Variants in TIAM1 observed in about 807,000 individuals in gnomAD.
The protein encoded by TIAM1 is rho guanine nucleotide exchange factor TIAM1.
Under a neutral mutation model 163.5 loss-of-function variants are expected in TIAM1, and 65 were observed. The ratio of observed to expected loss-of-function variants is 0.40; its 90% CI spans 0.33 to 0.49. The LOEUF is 0.49. TIAM1 is among the 20% of genes least tolerant of loss of function. The pLI is 0.77. For missense variants in TIAM1, 1,789 were observed against 2,044.7 expected, an observed-to-expected ratio of 0.87 and a Z score of 2.41; for synonymous variants, 833 against 810.1, an observed-to-expected ratio of 1.03 and a Z score of -0.48.
intron 2 of TIAM1, among the ~76,000 whole-genome samples, chr21:31,420,920 G>C (rs146717174): frequency 6.6e-6 from 1 of 152,028 alleles, no homozygotes; most frequent in East Asian, 1.9e-4. Context: ...TCAGGAGTTC[G>C]AGACCAGCCT....
At position 31,161,075 on chromosome 21, in the gene TIAM1, GTGTT is replaced by G. The variant is rs1431917931; in HGVS notation, c.2991+3883_2991+3886del. 1.0e-3 allele frequency among the ~76,000 whole-genome samples: 141 copies of G among 140,984 alleles called. 3 individuals carry two copies. Among genetic ancestry groups the G allele is most frequent in the African/African-American group, 3.5e-3 (127 of 35,998 alleles). 92.5% of individuals were successfully genotyped at this position (140,984 alleles called of 152,430 possible). ...TGTGTGTGTGTGTGTGTGTGTGTGT[GTGTT>G]TAACAGTTGATAATTTCACATTTTT... On this transcript the variant is annotated intron_variant, in intron 16 of 27. Coordinates refer to ENST00000541036, the MANE Select transcript of TIAM1 (RefSeq NM_001353694.2).
In TIAM1 at chr21:31,119,000, C is replaced by T. The variant is rs1178007393; in HGVS notation, c.*1368G>A. On this transcript the variant is annotated 3_prime_UTR_variant, in exon 28 of 28. Coordinates refer to ENST00000541036, the MANE Select transcript of TIAM1 (RefSeq NM_001353694.2). ...TTAAAGTACCTACTGATGTGTCAAA[C>T]ACCAAATAGATATTTTCCCCAAAAA... 1.3e-5 allele frequency: 2 copies of T among 156,254 alleles called. No individual in the cohort carries two copies. Among genetic ancestry groups the T allele is most frequent in the African/African-American group, 4.8e-5 (2 of 41,258 alleles). The allele number at this position is 156,254 out of a possible 1,614,324, so 9.7% of individuals were successfully genotyped here.
At chr21:31,492,049 G>A (rs1378675282) in intron 1 of TIAM1, among the ~76,000 whole-genome samples, 1 of 151,658 alleles carries the variant, frequency 6.6e-6, no homozygotes, top group African/African-American at 2.4e-5. Context: ...ATATATGTGT[G>A]TATATATATA....
Position 31,152,539 on chromosome 21 carries a change from C to T in TIAM1, c.3366+97G>A. ...TCTCAGACACCCTTAGGAACAGACC[C>T]CACTGTGGCCCTCCAATGAAGACAT... On this transcript the variant is annotated intron_variant, in intron 19 of 27. Coordinates refer to ENST00000541036, the MANE Select transcript of TIAM1 (RefSeq NM_001353694.2). 3.3e-6 allele frequency: 5 copies of T among 1,527,558 alleles called. No individual in the cohort carries two copies. The East Asian group carries it at 6.8e-5, about 21-fold the overall frequency. 94.6% of individuals were successfully genotyped at this position (1,527,558 alleles called of 1,614,324 possible). A position where few individuals can be genotyped will look rare whatever the true frequency, so the allele number is the denominator to read the frequency against.
chr21:31,226,693 T>G (rs904190299), intron 6 of TIAM1, among the ~76,000 whole-genome samples: 5 of 152,132 alleles, frequency 3.3e-5, no homozygotes, highest in Non-Finnish European at 7.4e-5. Context: ...TATTAATGAT[T>G]CTTTAGGAAT....
At chr21:31,307,966 C>T (rs1601906495) in intron 2 of TIAM1, among the ~76,000 whole-genome samples, 1 of 152,200 alleles carries the variant, frequency 6.6e-6, no homozygotes, top group African/African-American at 2.4e-5. Context: ...GGTGCGGCAG[C>T]TCACACCTGT....
chr21:31,181,759 T>C (rs200662982), intron 15 of TIAM1, among the ~76,000 whole-genome samples: 2,584 of 13,480 alleles, frequency 0.19, 41 homozygotes, highest in East Asian at 0.32. Flanking sequence ...TCTTCTTCTT[T>C]TTTTTTTTTT....
intron 6 of TIAM1, 39 bp from the exon 7 acceptor site, chr21:31,225,989 C>T: frequency 6.3e-7 from 1 of 1,576,310 alleles, no homozygotes; most frequent in South Asian, 1.1e-5. Context: ...AAAGGCACCT[C>T]TTAGGAACTT....
Position 31,396,301 on chromosome 21 carries a change from T to C in TIAM1, c.-368-56879A>G, listed in dbSNP as rs80164498. ...GCCCCATTCCTGCCTTTCCCACGCA[T>C]GCCTCCTGCCAATCTTCAATACATT... On this transcript the variant is annotated intron_variant, in intron 2 of 28. Coordinates refer to the TIAM1 transcript ENST00000286827. Among the ~76,000 whole-genome samples, 19 of 152,288 alleles carry C rather than the reference T, an allele frequency of 1.2e-4. No individual in the cohort carries two copies. In the East Asian group the frequency reaches 2.9e-3, roughly 23 times the overall value.
intron 13 of TIAM1, among the ~76,000 whole-genome samples, chr21:31,194,954 CTT>C (rs1395273185): frequency 6.6e-6 from 1 of 152,184 alleles, no homozygotes; most frequent in African/African-American, 2.4e-5. Context: ...GTAATTTTAT[CTT>C]TTGACATATA....
intron 16 of TIAM1, among the ~76,000 whole-genome samples, chr21:31,161,485 C>T (rs1016916503): frequency 2.6e-5 from 4 of 152,148 alleles, no homozygotes; most frequent in Non-Finnish European, 2.9e-5. Context: ...CATTCCAGTA[C>T]CACCACGCTC....
intron 16 of TIAM1, among the ~76,000 whole-genome samples, chr21:31,159,553 T>C (rs1305998639): frequency 1.3e-5 from 2 of 152,234 alleles, no homozygotes; most frequent in Non-Finnish European, 2.9e-5. Flanking sequence ...ACTTAAGCTT[T>C]TTTTGGGGAC....
At chr21:31,471,549 C>G (rs2045741871) in intron 1 of TIAM1, among the ~76,000 whole-genome samples, 2 of 152,072 alleles carry the variant, frequency 1.3e-5, no homozygotes, top group African/African-American at 4.8e-5. Context: ...GAATCAACTT[C>G]CCAGTTCCAC....
chr21:31,225,769 G>T lies in TIAM1; in HGVS notation c.1766C>A (p.Ser589Tyr). 1 of 1,613,610 alleles carries T rather than the reference G, an allele frequency of 6.2e-7. No individual in the cohort carries two copies. The change falls in exon 7 of 28, where the codon TCT (serine) becomes TAT (tyrosine). Residue 589 changes from serine (S) to tyrosine (Y), a missense_variant. Physicochemically the swap from Ser to Tyr is moderately radical, Grantham distance 144. Around this residue, in one of 5 missense-constraint regions of TIAM1, gnomAD observed 456 missense variants for 586.6 expected, o/e 0.78. Coordinates refer to ENST00000541036, the MANE Select transcript of TIAM1 (RefSeq NM_001353694.2). Reference protein sequence around the residue: ...KMKKMGEMQLSSVTDSKKKKT... With the variant: ...KMKKMGEMQLYSVTDSKKKKT... Reference sequence around the variant, plus strand: ...CTTTTTCTTTGAGTCAGTGACTGAAGACAGCTGCATTTCACCCATTTTCTT... The same window carrying T: ...CTTTTTCTTTGAGTCAGTGACTGAATACAGCTGCATTTCACCCATTTTCTT...
rs774239958 is a variant in TIAM1 at position 31,223,480 on chromosome 21, C to A, written c.1921G>T (p.Ala641Ser). ...ACTTTCGTTGGTCGACTTGCAAAAGCGAGAAGCCTTTTGGGGTTTGGCAGC... is the reference window on the plus strand; with the variant it reads ...ACTTTCGTTGGTCGACTTGCAAAAGAGAGAAGCCTTTTGGGGTTTGGCAGC... Reference protein sequence around the residue: ...GELPNPKRLLAFASRPTKVAM... With the variant: ...GELPNPKRLLSFASRPTKVAM... Residue 641 changes from alanine (A) to serine (S), a missense_variant, in exon 8 of 28, where the codon GCT (alanine) becomes TCT (serine). By Grantham distance (99) the Ala-to-Ser change is moderately conservative (BLOSUM62 1). This residue lies in a region of TIAM1 where 456 missense variants were observed against 586.6 expected (regional missense o/e 0.78). Transcript: ENST00000541036. The A allele has an allele frequency of 1.2e-6, 2 of 1,613,926 alleles. No individual in the cohort carries two copies. The highest frequency in any genetic ancestry group is 2.2e-5 in the East Asian group (1 of 44,876).
intron 1 of TIAM1, among the ~76,000 whole-genome samples, chr21:31,523,806 T>C (rs1242357664): frequency 6.6e-6 from 1 of 151,454 alleles, no homozygotes; most frequent in Non-Finnish European, 1.5e-5. Context: ...TAATCTCAGC[T>C]ACCCGGGAGG....
intron 6 of TIAM1, among the ~76,000 whole-genome samples, chr21:31,239,735 C>A (rs1258880274): frequency 6.6e-6 from 1 of 152,048 alleles, no homozygotes; most frequent in Non-Finnish European, 1.5e-5. Flanking sequence ...GTAAAATAAG[C>A]ACTTCACAAA....
intron 1 of TIAM1, among the ~76,000 whole-genome samples, chr21:31,487,970 GC>G (rs1246701790): frequency 6.6e-6 from 1 of 152,218 alleles, no homozygotes. Flanking sequence ...AGGATTACAG[GC>G]ACGAGCCACT....
intron 4 of TIAM1, among the ~76,000 whole-genome samples, chr21:31,260,658 T>C (rs1365984806): frequency 1.3e-5 from 2 of 150,226 alleles, no homozygotes; most frequent in Non-Finnish European, 2.9e-5. Context: ...AAATATCTCA[T>C]TGCTTAACTT....
Sources: allele counts gnomAD v4.1 joint callset (sites outside exome capture counted in the v4.1 genomes callset), GRCh38; gene constraint gnomAD v4.1.1; regional missense constraint gnomAD v4.1.1; transcripts MANE v1.5; gene names NCBI Gene and HGNC (gene_info 2026-07-23, HGNC 2026-07-21).